Variants in ENTREP2 observed in about 807,000 individuals in gnomAD.
The protein encoded by ENTREP2 is endosomal transmembrane epsin interactor 2, also known as protein ENTREP2.
At chr15:29,359,886 G>A in the ENTREP2 span, among the ~76,000 whole-genome samples, 1 of 152,110 alleles carries the variant, frequency 6.6e-6, no homozygotes, top group Non-Finnish European at 1.5e-5. Context: ...AAATAAAATT[G>A]TTTCAACTTC....
At chr15:29,188,090 C>A in the ENTREP2 span, among the ~76,000 whole-genome samples, 1 of 152,120 alleles carries the variant, frequency 6.6e-6, no homozygotes, top group African/African-American at 2.4e-5. Flanking sequence ...CAGCACTCAC[C>A]ATGGGGCTGT....
the ENTREP2 span, among the ~76,000 whole-genome samples, chr15:29,219,916 T>C: frequency 6.6e-6 from 1 of 151,936 alleles, no homozygotes; most frequent in Admixed American, 6.6e-5. Flanking sequence ...GATGCAGTTA[T>C]GCTGCTCTGG....
At chr15:29,458,912 T>C in the ENTREP2 span, among the ~76,000 whole-genome samples, 2 of 152,182 alleles carry the variant, frequency 1.3e-5, no homozygotes, top group African/African-American at 4.8e-5. Flanking sequence ...AAAGGAGACT[T>C]ATCCAGAGCT....
At chr15:29,549,909 A>C in the ENTREP2 span, among the ~76,000 whole-genome samples, 4 of 152,332 alleles carry the variant, frequency 2.6e-5, no homozygotes, top group East Asian at 3.9e-4. Context: ...TCAATGATTC[A>C]GAGTCAGAGT....
At chr15:29,665,266 T>TA in the ENTREP2 span, among the ~76,000 whole-genome samples, 4 of 150,756 alleles carry the variant, frequency 2.7e-5, no homozygotes, top group Non-Finnish European at 4.4e-5. Flanking sequence ...GTTCAACAGT[T>TA]AAAAAAAAAA....
At chr15:29,292,457 T>C in the ENTREP2 span, among the ~76,000 whole-genome samples, 2 of 152,112 alleles carry the variant, frequency 1.3e-5, no homozygotes, top group African/African-American at 4.8e-5. Context: ...CTTAGCTCAC[T>C]GCAACCTCTG....
At chr15:29,609,740 A>C in the ENTREP2 span, 2 of 150,478 alleles carry the variant, frequency 1.3e-5, no homozygotes, top group African/African-American at 4.9e-5. Flanking sequence ...GCAGCACAAA[A>C]TGGACCAAGT....
At chr15:29,424,335 G>A in the ENTREP2 span, among the ~76,000 whole-genome samples, 4 of 151,508 alleles carry the variant, frequency 2.6e-5, no homozygotes, top group Non-Finnish European at 5.9e-5. Context: ...TTTACAGAGC[G>A]TTGATTGGTC....
At chr15:29,479,821 G>A in the ENTREP2 span, among the ~76,000 whole-genome samples, 30 of 152,128 alleles carry the variant, frequency 2.0e-4, 1 homozygote, top group Admixed American at 6.6e-5. Context: ...TTGGGCTGAA[G>A]GTGAGAGAAA....
the ENTREP2 span, among the ~76,000 whole-genome samples, chr15:29,444,359 C>A: frequency 1.3e-5 from 2 of 152,088 alleles, no homozygotes; most frequent in African/African-American, 4.8e-5. Context: ...CTATCCGTTG[C>A]GGGGTGCGGG....
the ENTREP2 span, among the ~76,000 whole-genome samples, chr15:29,396,279 C>A: frequency 6.6e-6 from 1 of 152,184 alleles, no homozygotes; most frequent in Admixed American, 6.5e-5. Context: ...CTCCCCCAGC[C>A]CCGGGCAACT....
At chr15:29,188,213 A>G in the ENTREP2 span, among the ~76,000 whole-genome samples, 1 of 151,864 alleles carries the variant, frequency 6.6e-6, no homozygotes, top group Admixed American at 6.6e-5. Context: ...GGCACTAGGT[A>G]ATCTTTTTGT....
At chr15:29,398,179 C>G in the ENTREP2 span, among the ~76,000 whole-genome samples, 1 of 148,938 alleles carries the variant, frequency 6.7e-6, no homozygotes, top group Non-Finnish European at 1.5e-5. Flanking sequence ...GATATAAACA[C>G]ACAAATTTAA....
chr15:29,232,348 A>G, the ENTREP2 span, among the ~76,000 whole-genome samples: 1 of 152,362 alleles, frequency 6.6e-6, no homozygotes, highest in South Asian at 2.1e-4. Context: ...TACTATTGAC[A>G]TATGAGTCAT....
At chr15:29,416,373 C>G in the ENTREP2 span, among the ~76,000 whole-genome samples, 1 of 152,122 alleles carries the variant, frequency 6.6e-6, no homozygotes, top group Admixed American at 6.6e-5. Context: ...CTTTGACTAA[C>G]CTGACAAAAA....
At chr15:29,129,639 C>T in the ENTREP2 span, among the ~76,000 whole-genome samples, 9 of 152,310 alleles carry the variant, frequency 5.9e-5, no homozygotes, top group Admixed American at 2.0e-4. Context: ...TGAGCTACCA[C>T]GCCCTGCTTT....
chr15:29,240,003 A>G, the ENTREP2 span, among the ~76,000 whole-genome samples: 2 of 152,158 alleles, frequency 1.3e-5, no homozygotes, highest in Non-Finnish European at 2.9e-5. Flanking sequence ...AATTGTCAGT[A>G]TAATTCTAGA....
the ENTREP2 span, among the ~76,000 whole-genome samples, chr15:29,335,199 T>C: frequency 6.6e-6 from 1 of 152,216 alleles, no homozygotes; most frequent in Non-Finnish European, 1.5e-5. Context: ...TGTGCAGCCA[T>C]AGATAACTGG....
the ENTREP2 span, among the ~76,000 whole-genome samples, chr15:29,213,718 T>A: frequency 2.7e-4 from 41 of 152,084 alleles, no homozygotes; most frequent in South Asian, 8.1e-3. Flanking sequence ...CTAGATATAC[T>A]ATCACAGCAA....
Sources: gnomAD v4.1 joint callset for allele counts (sites outside exome capture counted in the v4.1 genomes callset) on GRCh38, gnomAD v4.1.1 for gene constraint, MANE v1.5 for transcripts, NCBI Gene and HGNC (gene_info 2026-07-23, HGNC 2026-07-21) for gene names.